Variants in ABHD17C observed in about 807,000 individuals in gnomAD.
ABHD17C encodes the protein alpha/beta hydrolase domain-containing protein 17C.
ABHD17C carries 11 observed loss-of-function variants against 27.9 expected under a neutral mutation model. That is an observed-to-expected ratio of 0.39 (90% CI 0.25 to 0.65). The LOEUF (loss-of-function observed/expected upper bound fraction) is 0.65. ABHD17C is among the 30% of genes least tolerant of loss of function. The probability of loss-of-function intolerance (pLI) is 0.45; values close to 1 mark genes in which losing one functional copy is unlikely to be tolerated. For synonymous variants in ABHD17C, 233 were observed against 209.1 expected (o/e 1.11, Z -0.98); for missense variants, 280 against 470.2 (o/e 0.60, Z 3.74).
intron 1 of ABHD17C, among the ~76,000 whole-genome samples, chr15:80,725,685 A>G (rs1421972802): frequency 6.6e-6 from 1 of 151,486 alleles, no homozygotes; most frequent in African/African-American, 2.4e-5. Flanking sequence ...GCTAATTTTT[A>G]TTTATTTATT....
At chr15:80,724,573 A>AG (rs398028112) in intron 1 of ABHD17C, among the ~76,000 whole-genome samples, 1 of 151,334 alleles carries the variant, frequency 6.6e-6, no homozygotes, top group African/African-American at 2.4e-5. Flanking sequence ...ATAAGGAAAA[A>AG]CATAAATAAG....
intron 1 of ABHD17C, among the ~76,000 whole-genome samples, chr15:80,723,612 A>T (rs1484222): frequency 0.026 from 3,891 of 152,322 alleles, 176 homozygotes; most frequent in East Asian, 0.11. Context: ...ATGACTCTTA[A>T]TAGATAGTTT....
At chr15:80,700,476 A>G (rs1016967639) in intron 1 of ABHD17C, among the ~76,000 whole-genome samples, 6 of 152,194 alleles carry the variant, frequency 3.9e-5, no homozygotes, top group African/African-American at 1.4e-4. Context: ...GGGCAGAGAA[A>G]CGTTGATACA....
chr15:80,755,579 G>C lies in ABHD17C; in HGVS notation c.*1209G>C, dbSNP rs1007023986. 1 of 152,104 alleles carries C rather than the reference G, an allele frequency of 6.6e-6. No homozygotes were observed. The allele number at this position is 152,104 out of a possible 1,614,324, so 9.4% of individuals were successfully genotyped here. A position where few individuals can be genotyped will look rare whatever the true frequency, so the allele number is the denominator to read the frequency against. On this transcript the variant is annotated 3_prime_UTR_variant, in exon 3 of 3. Coordinates refer to ENST00000258884, the MANE Select transcript of ABHD17C (RefSeq NM_021214.2). Reference sequence around the variant, plus strand: ...AGTTTGTGTACTGTTGCTTGGATGCGGCACAGTGGTTGGTAATGGAATAAA... The same window carrying C: ...AGTTTGTGTACTGTTGCTTGGATGCCGCACAGTGGTTGGTAATGGAATAAA...
chr15:80,749,528 C>G lies in ABHD17C; in HGVS notation c.606C>G (p.Pro202=). The part of the protein sequence containing the change: ...QALRTRYGVS[P]ENIILYGQSI... ...ATTTCTCCAGGTATGGCGTGAGTCC[C>G]GAGAACATTATCCTCTATGGTCAGA... The change falls in exon 2 of 3, where the codon CCC becomes CCG. Residue 202 remains proline (P), a synonymous_variant. Transcript: ENST00000258884. 1 of 1,613,808 alleles carries G rather than the reference C, an allele frequency of 6.2e-7. No homozygotes were observed. The highest frequency in any genetic ancestry group is 1.7e-5 in the Admixed American group (1 of 60,002).
In ABHD17C at chr15:80,754,500, A is replaced by T. The variant is rs772505459; in HGVS notation, c.*130A>T. On this transcript the variant is annotated 3_prime_UTR_variant, in exon 3 of 3. Transcript: ENST00000258884. ...GCCCAACCTTTAGGGTGTTCTAATC[A>T]AAGAGCTGATGAAATCTCAGTCTTT... The T allele has an allele frequency of 9.7e-6, 7 of 723,786 alleles. No homozygotes were observed. The highest frequency in any genetic ancestry group is 1.6e-5 in the Non-Finnish European group (7 of 449,684). The allele number at this position is 723,786 out of a possible 1,614,324, so 44.8% of individuals were successfully genotyped here. A position where few individuals can be genotyped will look rare whatever the true frequency, so the allele number is the denominator to read the frequency against.
chr15:80,742,703 G>A lies in ABHD17C; in HGVS notation c.591-6810G>A, dbSNP rs947748102. 1.2e-4 allele frequency among the ~76,000 whole-genome samples: 19 copies of A among 152,128 alleles called. 1 individual carries two copies. The highest frequency in any genetic ancestry group is 4.6e-4 in the African/African-American group (19 of 41,408). On this transcript the variant is annotated intron_variant, in intron 1 of 2. Transcript: ENST00000258884. ...GTCCTGGGGTTAAATGAGATTGTAGGAGAGAAAATATAAGAGTGTGATAGT... is the reference window on the plus strand; with the variant it reads ...GTCCTGGGGTTAAATGAGATTGTAGAAGAGAAAATATAAGAGTGTGATAGT...
chr15:80,740,199 G>A lies in ABHD17C; in HGVS notation c.591-9314G>A, dbSNP rs113880726. On this transcript the variant is annotated intron_variant, in intron 1 of 2. Transcript: ENST00000258884. ...TACTTTTCTGTGACTTCTCCCTGCC[G>A]GTCTTCCACTTGCAACAGGACACTG... Among the ~76,000 whole-genome samples, 437 of 152,034 alleles carry A rather than the reference G, an allele frequency of 2.9e-3. 3 individuals are homozygous for A. Among genetic ancestry groups the A allele is most frequent in the African/African-American group, 0.01 (422 of 41,462 alleles).
At chr15:80,706,584 C>G (rs1894652282) in intron 1 of ABHD17C, among the ~76,000 whole-genome samples, 1 of 152,142 alleles carries the variant, frequency 6.6e-6, no homozygotes, top group South Asian at 2.1e-4. Context: ...CAGAATATAT[C>G]CACAAAAAGT....
rs867039989 is a variant in ABHD17C at position 80,699,092 on chromosome 15, G to A, written c.590+3073G>A. Among the ~76,000 whole-genome samples the A allele has an allele frequency of 1.1e-4, 16 of 152,300 alleles. No homozygotes were observed. In the South Asian group the frequency reaches 1.9e-3, roughly 18 times the overall value. On this transcript the variant is annotated intron_variant, in intron 1 of 2. Transcript: ENST00000258884. ...ATGGATCCTGACTGGATCTTAATTG[G>A]ATTAGGAGACCCTTTGTGTTCCCTG...
At chr15:80,749,715 A>C (rs1396831683) in intron 2 of ABHD17C, 23 bp downstream of exon 2, 1 of 1,607,556 alleles carries the variant, frequency 6.2e-7, no homozygotes, top group Non-Finnish European at 8.5e-7. Context: ...TTGTCCAACA[A>C]GTGGTAAGTC....
In ABHD17C at chr15:80,702,414, T is replaced by A. The variant is rs143024426; in HGVS notation, c.590+6395T>A. ...GAGTTTGAGACCAGCCCGGGCAACA[T>A]AACAAGAACCTGTCTCCAAAAACCA... is the stretch of plus-strand genomic sequence containing the variant. On this transcript the variant is annotated intron_variant, in intron 1 of 2. Coordinates refer to ENST00000258884, the MANE Select transcript of ABHD17C (RefSeq NM_021214.2). Among the ~76,000 whole-genome samples, 1,120 of 152,266 alleles carry A rather than the reference T, an allele frequency of 7.4e-3. 14 individuals carry two copies. Among genetic ancestry groups the A allele is most frequent in the African/African-American group, 0.026 (1,073 of 41,568 alleles).
intron 1 of ABHD17C, among the ~76,000 whole-genome samples, chr15:80,704,371 C>T (rs1471964935): frequency 2.0e-5 from 3 of 152,152 alleles, no homozygotes; most frequent in Non-Finnish European, 4.4e-5. Flanking sequence ...CCCACCCCAC[C>T]TAGCCTTGTT....
chr15:80,746,667 T>A (rs1895289865), intron 1 of ABHD17C, among the ~76,000 whole-genome samples: 1 of 152,166 alleles, frequency 6.6e-6, no homozygotes, highest in Admixed American at 6.5e-5. Flanking sequence ...AAGGTCATGA[T>A]CTCTGAGGAT....
In ABHD17C at chr15:80,723,664, C is replaced by T. The variant is rs144200212; in HGVS notation, c.591-25849C>T. 2.1e-3 allele frequency among the ~76,000 whole-genome samples: 323 copies of T among 152,292 alleles called. 4 individuals are homozygous for T. Among genetic ancestry groups the T allele is most frequent in the African/African-American group, 7.2e-3 (298 of 41,552 alleles). ...AAATATTAGGTCAAGCGGATGTTTG[C>T]GTTGTTATAAACACATTGTCTCTGT... On this transcript the variant is annotated intron_variant, in intron 1 of 2. Coordinates refer to ENST00000258884, the MANE Select transcript of ABHD17C (RefSeq NM_021214.2).
At chr15:80,747,063 T>C (rs2141522023) in intron 1 of ABHD17C, among the ~76,000 whole-genome samples, 1 of 152,340 alleles carries the variant, frequency 6.6e-6, no homozygotes, top group Middle Eastern at 3.4e-3. Flanking sequence ...ATTAACTGCC[T>C]TCAGTTTTCA....
chr15:80,699,132 A>G (rs755148024), intron 1 of ABHD17C, among the ~76,000 whole-genome samples: 90 of 152,300 alleles, frequency 5.9e-4, no homozygotes, highest in South Asian at 2.3e-3. Context: ...CCTGGTACTC[A>G]GCCCCTTTGC....
chr15:80,724,933 C>G (rs1894952142), intron 1 of ABHD17C, among the ~76,000 whole-genome samples: 1 of 152,162 alleles, frequency 6.6e-6, no homozygotes, highest in Non-Finnish European at 1.5e-5. Flanking sequence ...ATTACAAATC[C>G]TATCAAAGGT....
rs369410134 is a variant in ABHD17C at position 80,745,747 on chromosome 15, G to A, written c.591-3766G>A. Among the ~76,000 whole-genome samples the A allele has an allele frequency of 1.0e-3, 155 of 152,156 alleles. 5 individuals carry two copies. In the South Asian group the frequency reaches 0.017, roughly 17 times the overall value. ...AATTACCACTAAAGAACTTACCCAC[G>A]TAACCAAAAACCGCCTGTACCCCCA... On this transcript the variant is annotated intron_variant, in intron 1 of 2. Coordinates refer to ENST00000258884, the MANE Select transcript of ABHD17C (RefSeq NM_021214.2).
Sources: allele counts gnomAD v4.1 joint callset (sites outside exome capture counted in the v4.1 genomes callset), GRCh38; gene constraint gnomAD v4.1.1; transcripts MANE v1.5; gene names NCBI Gene and HGNC (gene_info 2026-07-23, HGNC 2026-07-21).